Variants in RALA observed in about 807,000 individuals in gnomAD.
RALA encodes ras-related protein Ral-A.
A neutral mutation model predicts 24.0 loss-of-function variants in RALA; 5 were observed. The ratio of observed to expected loss-of-function variants is 0.21; its 90% CI spans 0.11 to 0.44. The LOEUF (loss-of-function observed/expected upper bound fraction) is 0.44. Among genes scored for constraint, RALA ranks in the 20% least tolerant of loss-of-function variants. RALA has a pLI of 0.99. For synonymous variants in RALA, 77 were observed against 83.8 expected, an observed-to-expected ratio of 0.92 and a Z score of 0.44; for missense variants, 95 against 241.2, an observed-to-expected ratio of 0.39 and a Z score of 4.01.
In RALA at chr7:39,690,560, T is replaced by C; in HGVS notation, c.293T>C (p.Met98Thr). ...CTCTGTGTTTTCTCTATTACAGAAA[T>C]GGAATCCTTTGCAGCTACAGCTGAC... ...GFLCVFSITEMESFAATADFR... is the reference protein window; with the variant it reads ...GFLCVFSITETESFAATADFR... The change falls in exon 3 of 5, where the codon ATG becomes ACG. Residue 98 changes from methionine to threonine, a missense_variant. Transcript: ENST00000005257. The C allele has an allele frequency of 6.2e-7, 1 of 1,613,260 alleles. No homozygotes were observed. Among genetic ancestry groups the C allele is most frequent in the Non-Finnish European group, 8.5e-7 (1 of 1,179,524 alleles).
intron 1 of RALA, among the ~76,000 whole-genome samples, chr7:39,663,744 A>C (rs1792238396): frequency 6.6e-6 from 1 of 152,196 alleles, no homozygotes; most frequent in African/African-American, 2.4e-5. Context: ...TTCAGCTTTT[A>C]TGAGGGTGCA....
intron 1 of RALA, among the ~76,000 whole-genome samples, chr7:39,647,577 G>C (rs963424569): frequency 2.0e-5 from 3 of 152,162 alleles, no homozygotes; most frequent in Admixed American, 6.6e-5. Flanking sequence ...TGGACTGAAT[G>C]TTTATGTTCC....
chr7:39,639,603 C>T lies in RALA; in HGVS notation c.-38+15778C>T, dbSNP rs186005937. ...GGGAGAGAAATAATAACAAATATGGCAGGCTTTCTGAGCACTTTTATATCA... is the reference window on the plus strand; with the variant it reads ...GGGAGAGAAATAATAACAAATATGGTAGGCTTTCTGAGCACTTTTATATCA... On this transcript the variant is annotated intron_variant, in intron 1 of 4. Coordinates refer to ENST00000005257, the MANE Select transcript of RALA (RefSeq NM_005402.4). Among the ~76,000 whole-genome samples the T allele has an allele frequency of 2.0e-4, 31 of 152,298 alleles. No homozygotes were observed. The Middle Eastern group carries it at 0.014, about 67-fold the overall frequency.
rs902213958 is a variant in RALA, at chr7:39,674,981, A to ACCC, written c.-37-11648_-37-11646dup. On this transcript the variant is annotated intron_variant, in intron 1 of 4. Transcript: ENST00000005257. The stretch of plus-strand genomic sequence containing the variant: ...TGGGATTACAGGCACACGCTACCAC[A>ACCC]CCCCGCTAATTTTGTTGTATTTTCA... 2.0e-4 allele frequency among the ~76,000 whole-genome samples: 30 copies of ACCC among 151,326 alleles called. No homozygotes were observed. The South Asian group carries it at 3.8e-3, about 19-fold the overall frequency.
intron 2 of RALA, among the ~76,000 whole-genome samples, chr7:39,689,239 C>T (rs1406757790): frequency 1.3e-5 from 2 of 152,146 alleles, no homozygotes; most frequent in African/African-American, 2.4e-5. Context: ...GTGATCCACT[C>T]ACCTCAGCCT....
chr7:39,626,873 G>C (rs1791497853), intron 1 of RALA, among the ~76,000 whole-genome samples: 1 of 152,172 alleles, frequency 6.6e-6, no homozygotes, highest in Admixed American at 6.5e-5. Flanking sequence ...GCAGAGATGT[G>C]CTTGGTCTGT....
chr7:39,698,714 A>G (rs1792964639), intron 4 of RALA, among the ~76,000 whole-genome samples: 1 of 152,178 alleles, frequency 6.6e-6, no homozygotes, highest in Non-Finnish European at 1.5e-5. Flanking sequence ...GACACTGGCA[A>G]TCCAAGATAG....
intron 1 of RALA, among the ~76,000 whole-genome samples, chr7:39,629,389 T>A (rs1489627232): frequency 6.6e-6 from 1 of 152,164 alleles, no homozygotes; most frequent in East Asian, 1.9e-4. Context: ...ATTTTTATTG[T>A]TCATATTATT....
chr7:39,672,987 G>A (rs368964247), intron 1 of RALA, among the ~76,000 whole-genome samples: 55 of 152,170 alleles, frequency 3.6e-4, no homozygotes, highest in East Asian at 2.5e-3. Context: ...CAAAAAGTTC[G>A]AGTCAGTTTT....
At chr7:39,672,847 T>G (rs1051589737) in intron 1 of RALA, among the ~76,000 whole-genome samples, 1 of 152,180 alleles carries the variant, frequency 6.6e-6, no homozygotes, top group African/African-American at 2.4e-5. Flanking sequence ...AAGAGGAAAC[T>G]TTTTGGGGTA....
intron 1 of RALA, among the ~76,000 whole-genome samples, chr7:39,663,322 C>T (rs1370933755): frequency 6.6e-6 from 1 of 152,148 alleles, no homozygotes; most frequent in Admixed American, 6.5e-5. Context: ...ATAACTACCT[C>T]CTGTTGCTAT....
At chr7:39,683,516 T>G (rs1792642421) in intron 1 of RALA, among the ~76,000 whole-genome samples, 1 of 152,204 alleles carries the variant, frequency 6.6e-6, no homozygotes, top group African/African-American at 2.4e-5. Context: ...GTGTTTGTCT[T>G]AAGTTCCACA....
At chr7:39,635,220 A>C (rs1791668175) in intron 1 of RALA, among the ~76,000 whole-genome samples, 1 of 151,980 alleles carries the variant, frequency 6.6e-6, no homozygotes, top group Admixed American at 6.6e-5. Context: ...AATACAGAAA[A>C]ATCAGCCGAG....
At chr7:39,704,245 A>G (rs953188840) in intron 4 of RALA, among the ~76,000 whole-genome samples, 1 of 151,438 alleles carries the variant, frequency 6.6e-6, no homozygotes, top group Non-Finnish European at 1.5e-5. Flanking sequence ...CTTAGCATCT[A>G]TTCTAAAATA....
rs1792948286 is a variant in RALA at position 39,697,817 on chromosome 7, C to T, written c.498+958C>T. Among the ~76,000 whole-genome samples the T allele has an allele frequency of 2.6e-5, 4 of 152,156 alleles. No individual in the cohort carries two copies. The South Asian group carries it at 8.3e-4, about 32-fold the overall frequency. On this transcript the variant is annotated intron_variant, in intron 4 of 4. Coordinates refer to ENST00000005257, the MANE Select transcript of RALA (RefSeq NM_005402.4). ...TTTGCTGTAGGTCTTAAGACAGTGT[C>T]GTTGCTGTCTTAAGCTTCTTAACTT...
At chr7:39,669,123 TAAA>T (rs1402128934) in intron 1 of RALA, among the ~76,000 whole-genome samples, 1 of 151,952 alleles carries the variant, frequency 6.6e-6, no homozygotes, top group Non-Finnish European at 1.5e-5. Context: ...AATAAATAAA[TAAA>T]TAAAATAAAA....
Position 39,707,383 on chromosome 7 carries a change from T to C in RALA, c.*1138T>C, listed in dbSNP as rs1793136524. On this transcript the variant is annotated 3_prime_UTR_variant, in exon 5 of 5. Transcript: ENST00000005257. ...AAGTTACAGTTTGATACAGGAATTA[T>C]TAGGAGTAATTCTTTTCTGTTTCTG... 1 of 152,262 alleles carries C rather than the reference T, an allele frequency of 6.6e-6. No individual in the cohort carries two copies. The highest frequency in any genetic ancestry group is 2.4e-5 in the African/African-American group (1 of 41,466). 9.4% of individuals were successfully genotyped at this position (152,262 alleles called of 1,614,324 possible). A position where few individuals can be genotyped will look rare whatever the true frequency, so the allele number is the denominator to read the frequency against.
intron 1 of RALA, among the ~76,000 whole-genome samples, chr7:39,663,334 G>T (rs1317992514): frequency 6.6e-6 from 1 of 152,138 alleles, no homozygotes; most frequent in Non-Finnish European, 1.5e-5. Flanking sequence ...TGTTGCTATT[G>T]TTGAGCTCAA....
intron 1 of RALA, among the ~76,000 whole-genome samples, chr7:39,626,834 G>C (rs1791496774): frequency 1.3e-5 from 2 of 152,168 alleles, no homozygotes; most frequent in South Asian, 4.1e-4. Flanking sequence ...GAGAAGCTAT[G>C]GGGGACAGTA....
Sources: allele counts gnomAD v4.1 joint callset (sites outside exome capture counted in the v4.1 genomes callset), GRCh38; gene constraint gnomAD v4.1.1; transcripts MANE v1.5; gene names NCBI Gene and HGNC (gene_info 2026-07-23, HGNC 2026-07-21).